Variants in FOXO1 observed in about 807,000 individuals in gnomAD.
FOXO1 encodes forkhead box O1, also known as forkhead box protein O1.
In FOXO1, 6 loss-of-function variants were observed where a neutral mutation model predicts 44.1. The observed-to-expected ratio is 0.14, with a 90% CI of 0.07 to 0.27. The LOEUF is 0.27. FOXO1 is among the 10% of genes least tolerant of loss of function. FOXO1 has a pLI of 1.00. For synonymous variants in FOXO1, 380 were observed against 362.7 expected (o/e 1.05, Z -0.54); for missense variants, 737 against 888.8 (o/e 0.83, Z 2.17).
At chr13:40,628,596 C>T (rs1000075219) in intron 1 of FOXO1, among the ~76,000 whole-genome samples, 1 of 152,130 alleles carries the variant, frequency 6.6e-6, no homozygotes, top group African/African-American at 2.4e-5. Context: ...GGAATCGACT[C>T]ATACGATCTA....
At chr13:40,593,979 T>C (rs897970921) in intron 1 of FOXO1, among the ~76,000 whole-genome samples, 20 of 152,290 alleles carry the variant, frequency 1.3e-4, no homozygotes, top group African/African-American at 3.8e-4. Context: ...CTAAATTTAA[T>C]ACTAAAATGA....
At chr13:40,575,937 T>C (rs764046947) in intron 1 of FOXO1, among the ~76,000 whole-genome samples, 36 of 152,206 alleles carry the variant, frequency 2.4e-4, no homozygotes, top group Non-Finnish European at 3.7e-4. Flanking sequence ...TGAACCAATG[T>C]TGACAGACAA....
intron 1 of FOXO1, among the ~76,000 whole-genome samples, chr13:40,572,898 C>T (rs1874594552): frequency 6.6e-6 from 1 of 152,178 alleles, no homozygotes; most frequent in African/African-American, 2.4e-5. Context: ...AGACATGGTC[C>T]CCCTCACAAA....
At position 40,664,350 on chromosome 13, in the gene FOXO1, C is replaced by G. The variant is rs570379049; in HGVS notation, c.630+1233G>C. Among the ~76,000 whole-genome samples, 12 of 152,288 alleles carry G rather than the reference C, an allele frequency of 7.9e-5. No homozygotes were observed. In the East Asian group the frequency reaches 2.3e-3, roughly 29 times the overall value. ...GCCACCGGTGACAGTGAGAAACTGT[C>G]AGCTTGGGGAGGCCGCGCCACGACT... On this transcript the variant is annotated intron_variant, in intron 1 of 2. Coordinates refer to ENST00000379561, the MANE Select transcript of FOXO1 (RefSeq NM_002015.4).
intron 1 of FOXO1, among the ~76,000 whole-genome samples, chr13:40,645,210 C>T (rs1877471235): frequency 6.6e-6 from 1 of 152,186 alleles, no homozygotes. Flanking sequence ...TGGAAATTTA[C>T]ATCTATATAT....
rs1878266737 is a variant in FOXO1 at position 40,666,571 on chromosome 13, C to T, written c.-359G>A. On this transcript the variant is annotated 5_prime_UTR_variant, in exon 1 of 3. Coordinates refer to ENST00000379561, the MANE Select transcript of FOXO1 (RefSeq NM_002015.4). Reference sequence around the variant, plus strand: ...TCTCCCCAGCGGCGCGCCCGCTGCGCTGCTGCCTGTTGAATGTGGCGGCTG... The same window carrying T: ...TCTCCCCAGCGGCGCGCCCGCTGCGTTGCTGCCTGTTGAATGTGGCGGCTG... The T allele has an allele frequency of 4.4e-6, 1 of 226,714 alleles. No individual in the cohort carries two copies. 14.0% of individuals were successfully genotyped at this position (226,714 alleles called of 1,614,324 possible).
At chr13:40,630,043 A>C (rs866342383) in intron 1 of FOXO1, among the ~76,000 whole-genome samples, 6 of 152,298 alleles carry the variant, frequency 3.9e-5, no homozygotes, top group Middle Eastern at 3.4e-3. Flanking sequence ...AATAATGCCC[A>C]CCACTTCAAA....
chr13:40,564,233 T>C (rs1874168825), intron 1 of FOXO1, among the ~76,000 whole-genome samples: 1 of 151,938 alleles, frequency 6.6e-6, no homozygotes, highest in Non-Finnish European at 1.5e-5. Context: ...CTTTAAAACA[T>C]TCAAGAAGCG....
At chr13:40,579,273 G>A (rs1286842605) in intron 1 of FOXO1, among the ~76,000 whole-genome samples, 16 of 152,214 alleles carry the variant, frequency 1.1e-4, no homozygotes, top group Admixed American at 1.0e-3. Flanking sequence ...AAGCCCAGGT[G>A]TTCTGTGGGA....
At chr13:40,562,670 A>T (rs987244138) in intron 1 of FOXO1, 1 of 152,238 alleles carries the variant, frequency 6.6e-6, no homozygotes, top group Non-Finnish European at 1.5e-5. Flanking sequence ...AGGAGCTTAG[A>T]AGTAGTACAG....
intron 1 of FOXO1, among the ~76,000 whole-genome samples, chr13:40,637,331 C>T (rs1877193069): frequency 6.7e-6 from 1 of 150,370 alleles, no homozygotes; most frequent in Admixed American, 6.7e-5. Context: ...GTAGTCCCAG[C>T]TACTCAGGAG....
chr13:40,654,946 T>C (rs750962674), intron 1 of FOXO1, among the ~76,000 whole-genome samples: 10 of 151,946 alleles, frequency 6.6e-5, no homozygotes, highest in Non-Finnish European at 1.5e-4. Flanking sequence ...GAGAATGAAG[T>C]TGAAGGATGA....
At chr13:40,577,958 A>G (rs1229541404) in intron 1 of FOXO1, among the ~76,000 whole-genome samples, 1 of 152,192 alleles carries the variant, frequency 6.6e-6, no homozygotes, top group Admixed American at 6.5e-5. Context: ...TCAAAATAAA[A>G]GAGTTTTATC....
chr13:40,599,987 A>G (rs1875758152), intron 1 of FOXO1, among the ~76,000 whole-genome samples: 1 of 152,234 alleles, frequency 6.6e-6, no homozygotes, highest in South Asian at 2.1e-4. Context: ...GGTTCCAGCC[A>G]ACCAGGGGAA....
At chr13:40,595,914 T>C (rs1369897643) in intron 1 of FOXO1, among the ~76,000 whole-genome samples, 5 of 151,260 alleles carry the variant, frequency 3.3e-5, no homozygotes, top group Non-Finnish European at 7.4e-5. Flanking sequence ...TGGTTAGTCG[T>C]AGGCCCTGTA....
In FOXO1 at chr13:40,583,701, G is replaced by T. The variant is rs9577073; in HGVS notation, c.631-22841C>A. ...GAGTTACGGCCTTGCTCTGAACATG[G>T]CTTTGGCTTAAAGGAATGTTGTGAC... On this transcript the variant is annotated intron_variant, in intron 1 of 2. Transcript: ENST00000379561. 1.1e-3 allele frequency among the ~76,000 whole-genome samples: 163 copies of T among 152,262 alleles called. 4 individuals carry two copies. In the East Asian group the frequency reaches 0.02, roughly 18 times the overall value.
intron 1 of FOXO1, among the ~76,000 whole-genome samples, chr13:40,603,353 CAAAAAAAAAAAAA>C (rs60741629): frequency 1.4e-5 from 1 of 73,976 alleles, no homozygotes; most frequent in Non-Finnish European, 2.9e-5. Context: ...CAGATGAATC[CAAAAAAAAAAAAA>C]AAAAAAAAGG....
chr13:40,665,913 CGCG>C lies in FOXO1; in HGVS notation c.297_299del (p.Ala102del). The C allele has an allele frequency of 8.4e-7, 1 of 1,188,492 alleles. No homozygotes were observed. Among genetic ancestry groups the C allele is most frequent in the Non-Finnish European group, 1.0e-6 (1 of 963,294 alleles). 73.6% of individuals were successfully genotyped at this position (1,188,492 alleles called of 1,614,324 possible). A position where few individuals can be genotyped will look rare whatever the true frequency, so the allele number is the denominator to read the frequency against. On this transcript the variant is annotated inframe_deletion, in exon 1 of 3. Coordinates refer to ENST00000379561, the MANE Select transcript of FOXO1 (RefSeq NM_002015.4). Reference sequence around the variant, plus strand: ...CCCCGCACAGCCCCCCGGTGGCGGCCGCGGCGGCCGCCGCCGCCACCGCCGCCG... The same window carrying C: ...CCCCGCACAGCCCCCCGGTGGCGGCCGCGGCCGCCGCCGCCACCGCCGCCG...
intron 1 of FOXO1, among the ~76,000 whole-genome samples, chr13:40,563,571 G>A (rs1328243526): frequency 1.3e-5 from 2 of 152,138 alleles, no homozygotes; most frequent in Non-Finnish European, 2.9e-5. Flanking sequence ...TGATGGCAGT[G>A]ACTGTCTCCT....
Sources: allele counts gnomAD v4.1 joint callset (sites outside exome capture counted in the v4.1 genomes callset), GRCh38; gene constraint gnomAD v4.1.1; transcripts MANE v1.5; gene names NCBI Gene and HGNC (gene_info 2026-07-23, HGNC 2026-07-21).